The following IP6K1 variants were observed in gnomAD, a reference collection of about 807,000 sequenced individuals.
The protein encoded by IP6K1 is ATP:1D-myo-inositol-hexakisphosphate phosphotransferase.
A neutral mutation model predicts 38.3 loss-of-function variants in IP6K1; 13 were observed. The ratio of observed to expected loss-of-function variants is 0.34; its 90% CI spans 0.22 to 0.54. The LOEUF (loss-of-function observed/expected upper bound fraction) is 0.54, where lower values mean the gene tolerates loss of function less well. Ranked by LOEUF, IP6K1 falls within the 20% of genes least tolerant of loss-of-function variation. IP6K1 has a pLI of 0.92. For missense variants in IP6K1, 397 were observed against 599.8 expected, an observed-to-expected ratio of 0.66 and a Z score of 3.53; for synonymous variants, 212 against 229.9, an observed-to-expected ratio of 0.92 and a Z score of 0.70.
intron 1 of IP6K1, among the ~76,000 whole-genome samples, chr3:49,781,460 C>T (rs779146876): frequency 6.6e-6 from 1 of 152,064 alleles, no homozygotes; most frequent in South Asian, 2.1e-4. Context: ...TCCCCAGGAG[C>T]AGAAATGTTT....
At chr3:49,774,285 G>T (rs978216425) in intron 1 of IP6K1, among the ~76,000 whole-genome samples, 5 of 151,336 alleles carry the variant, frequency 3.3e-5, no homozygotes, top group Non-Finnish European at 5.9e-5. Flanking sequence ...GCGGGTGCCT[G>T]TAGTCCCAGC....
intron 1 of IP6K1, among the ~76,000 whole-genome samples, chr3:49,778,758 T>C (rs1575330383): frequency 6.6e-6 from 1 of 152,264 alleles, no homozygotes; most frequent in East Asian, 1.9e-4. Flanking sequence ...CCCCAGTAGC[T>C]GGAGTTACAG....
At chr3:49,738,133 C>G in intron 3 of IP6K1, 79 bp downstream of exon 3, 1 of 1,185,578 alleles carries the variant, frequency 8.4e-7, no homozygotes, top group South Asian at 1.3e-5. Context: ...GACTGTGAGC[C>G]CTGCTTCCCC....
chr3:49,760,232 G>A (rs2080856518), intron 1 of IP6K1, among the ~76,000 whole-genome samples: 1 of 152,036 alleles, frequency 6.6e-6, no homozygotes, highest in Non-Finnish European at 1.5e-5. Context: ...TATTAGAAAA[G>A]CACTTCTGTC....
intron 3 of IP6K1, among the ~76,000 whole-genome samples, chr3:49,734,393 T>TC: frequency 8.2e-6 from 1 of 122,538 alleles, no homozygotes; most frequent in Non-Finnish European, 1.6e-5. Flanking sequence ...TACCGTAATT[T>TC]CTTTTTTTTT....
intron 3 of IP6K1, among the ~76,000 whole-genome samples, chr3:49,737,225 G>A (rs73077175): frequency 0.38 from 57,376 of 151,880 alleles, 11,920 homozygotes; most frequent in East Asian, 0.78. Context: ...TTAACTTTTT[G>A]AAGAACTGCT....
intron 1 of IP6K1, among the ~76,000 whole-genome samples, chr3:49,779,446 T>G (rs1286533505): frequency 6.6e-6 from 1 of 152,212 alleles, no homozygotes; most frequent in African/African-American, 2.4e-5. Flanking sequence ...AGTTTTTGTG[T>G]GAACATTTGT....
At chr3:49,784,774 G>A (rs1281751040) in intron 1 of IP6K1, among the ~76,000 whole-genome samples, 6 of 151,582 alleles carry the variant, frequency 4.0e-5, no homozygotes, top group African/African-American at 1.5e-4. Context: ...GTGAAACCCC[G>A]TCTCTACTAA....
At chr3:49,728,410 G>T in intron 4 of IP6K1, 132 bp from the exon 5 acceptor site, 1 of 750,152 alleles carries the variant, frequency 1.3e-6, no homozygotes, top group Admixed American at 2.8e-5. Flanking sequence ...CTCAAATATG[G>T]GTTTCACACC....
chr3:49,774,239 T>C (rs1253767763), intron 1 of IP6K1, among the ~76,000 whole-genome samples: 6 of 151,488 alleles, frequency 4.0e-5, no homozygotes, highest in Non-Finnish European at 5.9e-5. Context: ...ACCCCATCTC[T>C]ACTAAAAATA....
At position 49,748,090 on chromosome 3, in the gene IP6K1, C is replaced by A. The variant is rs1259792596; in HGVS notation, c.-50G>T. The A allele has an allele frequency of 6.3e-7, 1 of 1,599,416 alleles. No homozygotes were observed. The highest frequency in any genetic ancestry group is 1.7e-5 in the Admixed American group (1 of 59,718). On this transcript the variant is annotated 5_prime_UTR_variant, in exon 2 of 6. Coordinates refer to ENST00000321599, the MANE Select transcript of IP6K1 (RefSeq NM_153273.4). ...GAGGGCAGAGGATGCAGCACATGGG[C>A]CACAAAAGGAGAGCTACATAGAAGG...
intron 1 of IP6K1, among the ~76,000 whole-genome samples, chr3:49,776,822 T>G (rs1429490472): frequency 6.6e-6 from 1 of 152,230 alleles, no homozygotes; most frequent in East Asian, 1.9e-4. Flanking sequence ...TATGTGAAAC[T>G]TCTAAGAAAC....
At chr3:49,757,004 A>G (rs914251114) in intron 1 of IP6K1, among the ~76,000 whole-genome samples, 1 of 152,172 alleles carries the variant, frequency 6.6e-6, no homozygotes, top group South Asian at 2.1e-4. Context: ...CTGAATGAAA[A>G]TATGGTCAAA....
rs557350421 is a variant in IP6K1 at position 49,768,379 on chromosome 3, C to T, written c.-129+17975G>A. Among the ~76,000 whole-genome samples, 25 of 152,302 alleles carry T rather than the reference C, an allele frequency of 1.6e-4. No homozygotes were observed. The South Asian group carries it at 3.3e-3, about 20-fold the overall frequency. ...CTTAAAAAGGAATGAAATTCTGATG[C>T]ATGTCACAACATGGATGAATCTTGA... On this transcript the variant is annotated intron_variant, in intron 1 of 5. Transcript: ENST00000321599.
At chr3:49,777,427 G>A (rs1160281751) in intron 1 of IP6K1, among the ~76,000 whole-genome samples, 2 of 151,834 alleles carry the variant, frequency 1.3e-5, no homozygotes, top group African/African-American at 4.8e-5. Context: ...GCCGGGCGTG[G>A]TGGCACATGC....
At chr3:49,740,956 C>G (rs2080662830) in intron 2 of IP6K1, among the ~76,000 whole-genome samples, 1 of 151,184 alleles carries the variant, frequency 6.6e-6, no homozygotes, top group Admixed American at 6.6e-5. Flanking sequence ...CGAGGTGATT[C>G]TCCTGCCTCA....
intron 1 of IP6K1, among the ~76,000 whole-genome samples, chr3:49,749,175 T>C (rs1024679924): frequency 1.3e-5 from 2 of 152,214 alleles, no homozygotes; most frequent in African/African-American, 4.8e-5. Flanking sequence ...GCCCAGTTCC[T>C]AACAGGTCAT....
chr3:49,744,853 T>A (rs960584104), intron 2 of IP6K1, among the ~76,000 whole-genome samples: 7 of 152,202 alleles, frequency 4.6e-5, no homozygotes, highest in Admixed American at 3.9e-4. Flanking sequence ...AGCACAGGTG[T>A]TTAAGCTCAA....
At chr3:49,754,736 G>A (rs965237032) in intron 1 of IP6K1, among the ~76,000 whole-genome samples, 1 of 152,114 alleles carries the variant, frequency 6.6e-6, no homozygotes, top group Non-Finnish European at 1.5e-5. Context: ...TAAGAGCTAG[G>A]AAGGCACTGT....
Sources: gnomAD v4.1 joint callset for allele counts (sites outside exome capture counted in the v4.1 genomes callset) on GRCh38, gnomAD v4.1.1 for gene constraint, MANE v1.5 for transcripts, NCBI Gene and HGNC (gene_info 2026-07-23, HGNC 2026-07-21) for gene names.